PEX5L: variants seen among roughly 807,000 people sequenced by gnomAD.
PEX5L encodes peroxisomal biogenesis factor 5 like, also known as PEX5-related protein.
Under a neutral mutation model 84.0 loss-of-function variants are expected in PEX5L, and 30 were observed. The ratio of observed to expected loss-of-function variants is 0.36; its 90% CI spans 0.27 to 0.48. The LOEUF (loss-of-function observed/expected upper bound fraction) is 0.48, where lower values mean the gene tolerates loss of function less well. PEX5L is among the 20% of genes least tolerant of loss of function. The probability of loss-of-function intolerance (pLI) is 0.99; values close to 1 mark genes in which losing one functional copy is unlikely to be tolerated. For missense variants in PEX5L, 533 were observed against 754.6 expected, an observed-to-expected ratio of 0.71 and a Z score of 3.44; for synonymous variants, 270 against 283.1, an observed-to-expected ratio of 0.95 and a Z score of 0.46.
intron 1 of PEX5L, among the ~76,000 whole-genome samples, chr3:179,994,838 C>A (rs906093688): frequency 2.0e-5 from 3 of 152,012 alleles, no homozygotes; most frequent in African/African-American, 7.2e-5. Context: ...TAGCCCCTAG[C>A]CTACATCTTT....
At chr3:179,885,640 C>T (rs1019107723) in intron 4 of PEX5L, among the ~76,000 whole-genome samples, 3 of 150,294 alleles carry the variant, frequency 2.0e-5, no homozygotes, top group African/African-American at 4.9e-5. Flanking sequence ...AGCGAGACTC[C>T]GTCTCAGAAA....
intron 8 of PEX5L, among the ~76,000 whole-genome samples, chr3:179,855,032 G>C (rs1228956803): frequency 6.6e-6 from 1 of 152,180 alleles, no homozygotes; most frequent in African/African-American, 2.4e-5. Context: ...AAGATCGGAG[G>C]AAAGAGTGTT....
intron 5 of PEX5L, among the ~76,000 whole-genome samples, chr3:179,876,194 A>C (rs1401361912): frequency 1.3e-5 from 2 of 152,156 alleles, no homozygotes; most frequent in Non-Finnish European, 2.9e-5. Flanking sequence ...TCAGTTTTTT[A>C]GTTTATAAAA....
chr3:180,027,196 T>C (rs2077554005), intron 1 of PEX5L, among the ~76,000 whole-genome samples: 2 of 152,164 alleles, frequency 1.3e-5, no homozygotes, highest in South Asian at 4.1e-4. Flanking sequence ...CTGCTGTTCT[T>C]TGTACTGTGA....
At chr3:179,808,929 C>A (rs888512963) in intron 12 of PEX5L, among the ~76,000 whole-genome samples, 2 of 151,982 alleles carry the variant, frequency 1.3e-5, no homozygotes, top group South Asian at 2.1e-4. Flanking sequence ...AAAAAATTAG[C>A]CGGGCGTGTT....
intron 2 of PEX5L, among the ~76,000 whole-genome samples, chr3:179,908,424 T>C (rs933421208): frequency 3.3e-5 from 5 of 152,236 alleles, no homozygotes; most frequent in African/African-American, 9.6e-5. Flanking sequence ...ATCCCAGCTC[T>C]GCCTTTTATA....
chr3:179,852,145 G>A (rs188464276), intron 8 of PEX5L, among the ~76,000 whole-genome samples: 8 of 152,318 alleles, frequency 5.3e-5, no homozygotes, highest in African/African-American at 1.9e-4. Flanking sequence ...TAACTTAGCT[G>A]GATGGCCTGA....
At chr3:180,001,923 T>C (rs1788457451) in intron 1 of PEX5L, among the ~76,000 whole-genome samples, 1 of 152,184 alleles carries the variant, frequency 6.6e-6, no homozygotes, top group African/African-American at 2.4e-5. Flanking sequence ...TGTAGGTAAA[T>C]ATATTTAACC....
chr3:179,847,617 T>C (rs149965147), intron 8 of PEX5L, among the ~76,000 whole-genome samples: 1 of 152,362 alleles, frequency 6.6e-6, no homozygotes, highest in Non-Finnish European at 1.5e-5. Context: ...ATGTTCTACA[T>C]ATTAAACCAA....
chr3:179,921,265 A>G (rs1294975062), intron 2 of PEX5L, among the ~76,000 whole-genome samples: 2 of 152,140 alleles, frequency 1.3e-5, no homozygotes, highest in Non-Finnish European at 2.9e-5. Context: ...GTAAGCCAAA[A>G]GCATCACATC....
At chr3:179,897,379 G>A (rs981429405) in intron 3 of PEX5L, among the ~76,000 whole-genome samples, 1 of 152,148 alleles carries the variant, frequency 6.6e-6, no homozygotes, top group African/African-American at 2.4e-5. Flanking sequence ...ACAGAGTGGT[G>A]ATGAGTACAT....
At chr3:179,895,765 G>T (rs1759061234) in intron 3 of PEX5L, 1 of 152,096 alleles carries the variant, frequency 6.6e-6, no homozygotes, top group Non-Finnish European at 1.5e-5. Flanking sequence ...AGTCTGTTGA[G>T]TGAAAAGTTA....
intron 1 of PEX5L, among the ~76,000 whole-genome samples, chr3:180,013,884 G>C (rs145917650): frequency 6.6e-6 from 1 of 152,084 alleles, no homozygotes; most frequent in Non-Finnish European, 1.5e-5. Flanking sequence ...CAAGGAACAC[G>C]TGTGACTTTC....
At chr3:179,916,360 A>G (rs1391977717) in intron 2 of PEX5L, among the ~76,000 whole-genome samples, 1 of 152,188 alleles carries the variant, frequency 6.6e-6, no homozygotes, top group African/African-American at 2.4e-5. Flanking sequence ...TTATAACACA[A>G]TGGTTAAGCA....
rs538000917 is a variant in PEX5L at position 179,971,768 on chromosome 3, G to T, written c.22-103C>A. 9 of 1,109,952 alleles carry T rather than the reference G, an allele frequency of 8.1e-6. No homozygotes were observed. The East Asian group carries it at 2.3e-4, about 28-fold the overall frequency. 68.8% of individuals were successfully genotyped at this position (1,109,952 alleles called of 1,614,324 possible). A position where few individuals can be genotyped will look rare whatever the true frequency, so the allele number is the denominator to read the frequency against. ...ATAAAAGTCTTAGCCTTGTTCACCA[G>T]TCATAATGCATCATTCTTTATATAA... On this transcript the variant is annotated intron_variant, in intron 1 of 14. Coordinates refer to ENST00000467460, the MANE Select transcript of PEX5L (RefSeq NM_016559.3).
intron 5 of PEX5L, among the ~76,000 whole-genome samples, chr3:179,879,210 T>C (rs1295067936): frequency 1.3e-5 from 2 of 152,198 alleles, no homozygotes; most frequent in African/African-American, 2.4e-5. Context: ...TTCTTTCTCT[T>C]GAGAAAGGAG....
chr3:179,935,417 G>A (rs1774308384), intron 2 of PEX5L, among the ~76,000 whole-genome samples: 1 of 152,000 alleles, frequency 6.6e-6, no homozygotes, highest in Non-Finnish European at 1.5e-5. Context: ...TTTCTACCAC[G>A]AGCGTATATA....
chr3:179,870,234 C>A (rs1198442968), intron 7 of PEX5L, among the ~76,000 whole-genome samples: 2 of 152,194 alleles, frequency 1.3e-5, no homozygotes, highest in Non-Finnish European at 2.9e-5. Flanking sequence ...ACATTCAAAT[C>A]ATAAGGCTTT....
chr3:179,883,061 G>A (rs1399731704), intron 4 of PEX5L, among the ~76,000 whole-genome samples: 1 of 152,106 alleles, frequency 6.6e-6, no homozygotes, highest in African/African-American at 2.4e-5. Flanking sequence ...GTAAGACCCT[G>A]TCTCTAAAAA....
Sources: gnomAD v4.1 joint callset for allele counts (sites outside exome capture counted in the v4.1 genomes callset) on GRCh38, gnomAD v4.1.1 for gene constraint, MANE v1.5 for transcripts, NCBI Gene and HGNC (gene_info 2026-07-23, HGNC 2026-07-21) for gene names.